Variants in GABRG3 observed in about 807,000 individuals in gnomAD.
GABRG3 encodes gamma-aminobutyric acid type A receptor subunit gamma3, also known as gamma-aminobutyric acid receptor subunit gamma-3.
In GABRG3, 25 loss-of-function variants were observed where a neutral mutation model predicts 48.8. The ratio of observed to expected loss-of-function variants is 0.51; its 90% CI spans 0.37 to 0.72. The LOEUF (loss-of-function observed/expected upper bound fraction) is 0.72, where lower values mean the gene tolerates loss of function less well. GABRG3 is among the 30% of genes least tolerant of loss of function. The pLI, the probability that GABRG3 is intolerant of heterozygous loss-of-function variation, is 0.00. For synonymous variants in GABRG3, 227 were observed against 217.6 expected, an observed-to-expected ratio of 1.04 and a Z score of -0.38; for missense variants, 394 against 577.9, an observed-to-expected ratio of 0.68 and a Z score of 3.26.
At chr15:27,248,221 C>G (rs544782184) in intron 3 of GABRG3, among the ~76,000 whole-genome samples, 4 of 152,150 alleles carry the variant, frequency 2.6e-5, no homozygotes, top group Admixed American at 6.5e-5. Flanking sequence ...AAGTGCTGCT[C>G]TAGATTCTGT....
chr15:27,409,778 T>G (rs1234869880), intron 5 of GABRG3, among the ~76,000 whole-genome samples: 2 of 152,218 alleles, frequency 1.3e-5, no homozygotes, highest in Non-Finnish European at 2.9e-5. Context: ...GATTTTTATG[T>G]GTTGATCTTG....
At chr15:27,075,378 G>A (rs1896893831) in intron 3 of GABRG3, among the ~76,000 whole-genome samples, 1 of 152,210 alleles carries the variant, frequency 6.6e-6, no homozygotes, top group Admixed American at 6.5e-5. Flanking sequence ...AAGGGAAATG[G>A]AATCTTGGTT....
intron 3 of GABRG3, among the ~76,000 whole-genome samples, chr15:27,089,369 A>G (rs530804996): frequency 1.2e-4 from 19 of 152,236 alleles, no homozygotes; most frequent in African/African-American, 4.3e-4. Flanking sequence ...AGGAGGGTGC[A>G]GGCTGCAGTG....
At position 27,423,721 on chromosome 15, in the gene GABRG3, C is replaced by CTT. The variant is rs542775399; in HGVS notation, c.575-56903_575-56902dup. Among the ~76,000 whole-genome samples the CTT allele has an allele frequency of 3.6e-3, 297 of 81,800 alleles. 19 individuals are homozygous for CTT. The highest frequency in any genetic ancestry group is 8.9e-3 in the Middle Eastern group (1 of 112). 53.7% of individuals were successfully genotyped at this position (81,800 alleles called of 152,430 possible). A position where few individuals can be genotyped will look rare whatever the true frequency, so the allele number is the denominator to read the frequency against. ...CCACCACACCTGGCTTTTTCTTTTC[C>CTT]TTTTTTTTTTTTTTTTTTTTTTTTT... On this transcript the variant is annotated intron_variant, in intron 5 of 9. Coordinates refer to ENST00000615808, the MANE Select transcript of GABRG3 (RefSeq NM_033223.5).
intron 5 of GABRG3, among the ~76,000 whole-genome samples, chr15:27,417,652 C>G (rs1252898319): frequency 1.3e-5 from 2 of 152,206 alleles, no homozygotes; most frequent in Middle Eastern, 3.2e-3. Context: ...CTCCTTCACT[C>G]TGGTTACTGC....
rs1325868336 is a variant in GABRG3 at position 26,974,792 on chromosome 15, T to C, written c.54-2210T>C. Among the ~76,000 whole-genome samples, 3 of 151,750 alleles carry C rather than the reference T, an allele frequency of 2.0e-5. No homozygotes were observed. The highest frequency in any genetic ancestry group is 7.3e-5 in the African/African-American group (3 of 41,354). On this transcript the variant is annotated intron_variant, in intron 1 of 9. Coordinates refer to ENST00000615808, the MANE Select transcript of GABRG3 (RefSeq NM_033223.5). This position sits in a 1 kb window ranked among gnomAD's most constrained non-coding sequence, Gnocchi z 4.3. ...GTTTTAAAAAATTTTTGCAAGATGA[T>C]AAAATTAACATTTCTGATAATATTT...
intron 3 of GABRG3, among the ~76,000 whole-genome samples, chr15:27,247,643 C>A (rs531391679): frequency 6.6e-6 from 1 of 152,114 alleles, no homozygotes; most frequent in Non-Finnish European, 1.5e-5. Flanking sequence ...CTGGTAAAGA[C>A]GTACTGGAGA....
intron 2 of GABRG3, among the ~76,000 whole-genome samples, chr15:27,002,717 T>G (rs1249047877): frequency 8.6e-6 from 1 of 115,812 alleles, no homozygotes; most frequent in Non-Finnish European, 1.6e-5. Flanking sequence ...GAGAGCAGCC[T>G]GGGAAACATA....
chr15:27,030,830 C>A (rs1249246150), intron 3 of GABRG3, among the ~76,000 whole-genome samples: 1 of 152,046 alleles, frequency 6.6e-6, no homozygotes. Context: ...CTGAGTGTGA[C>A]CTGCTTGGCA....
At chr15:27,353,918 G>A (rs1240178307) in intron 5 of GABRG3, among the ~76,000 whole-genome samples, 2 of 152,142 alleles carry the variant, frequency 1.3e-5, no homozygotes, top group Admixed American at 6.5e-5. Context: ...CCCACCCCAT[G>A]GGGCACCATA....
chr15:27,313,284 A>ATATG (rs1483320813), intron 3 of GABRG3, among the ~76,000 whole-genome samples: 2 of 106,526 alleles, frequency 1.9e-5, no homozygotes, highest in South Asian at 7.3e-4. Context: ...ATATATATAT[A>ATATG]TATATATATA....
intron 3 of GABRG3, among the ~76,000 whole-genome samples, chr15:27,244,474 C>T (rs920338918): frequency 1.3e-5 from 2 of 152,200 alleles, no homozygotes; most frequent in African/African-American, 4.8e-5. Flanking sequence ...TATCATGCCC[C>T]ATCATGTAAC....
At chr15:27,336,292 AAAGAAG>A (rs542419584) in intron 5 of GABRG3, among the ~76,000 whole-genome samples, 8 of 151,994 alleles carry the variant, frequency 5.3e-5, no homozygotes, top group African/African-American at 1.7e-4. Context: ...CAGAGAGAGA[AAAGAAG>A]AAGGAGAAGG....
At chr15:27,119,422 A>G (rs1339374092) in intron 3 of GABRG3, among the ~76,000 whole-genome samples, 2 of 152,192 alleles carry the variant, frequency 1.3e-5, no homozygotes, top group Non-Finnish European at 2.9e-5. Flanking sequence ...TCAGTCCTAC[A>G]TGTTTATGGT....
At chr15:27,000,057 TG>T (rs1227927357) in intron 2 of GABRG3, among the ~76,000 whole-genome samples, 1 of 152,252 alleles carries the variant, frequency 6.6e-6, no homozygotes, top group African/African-American at 2.4e-5. Flanking sequence ...TAATTATCTT[TG>T]CTTCTAATTC....
At chr15:27,207,103 G>A (rs1325333996) in intron 3 of GABRG3, among the ~76,000 whole-genome samples, 1 of 152,146 alleles carries the variant, frequency 6.6e-6, no homozygotes, top group Non-Finnish European at 1.5e-5. Context: ...TTGTTAGCTG[G>A]TGGTTATGTA....
intron 3 of GABRG3, among the ~76,000 whole-genome samples, chr15:27,135,778 G>C (rs568312463): frequency 6.6e-6 from 1 of 152,058 alleles, no homozygotes; most frequent in East Asian, 1.9e-4. Flanking sequence ...GGTGGTGTGC[G>C]CCTATAATCC....
chr15:27,052,354 G>C (rs1896470232), intron 3 of GABRG3, among the ~76,000 whole-genome samples: 1 of 152,210 alleles, frequency 6.6e-6, no homozygotes, highest in Non-Finnish European at 1.5e-5. Flanking sequence ...TCAGCCCTCA[G>C]GTGGTGGCAC....
chr15:26,982,359 A>T (rs1895071518), intron 2 of GABRG3, among the ~76,000 whole-genome samples: 1 of 152,178 alleles, frequency 6.6e-6, no homozygotes, highest in Admixed American at 6.5e-5. Flanking sequence ...CACCTTCCTC[A>T]TGGTGTCACT....
Sources: allele counts gnomAD v4.1 joint callset (sites outside exome capture counted in the v4.1 genomes callset), GRCh38; gene constraint gnomAD v4.1.1; non-coding constraint Gnocchi (gnomAD v3.1); transcripts MANE v1.5; gene names NCBI Gene and HGNC (gene_info 2026-07-23, HGNC 2026-07-21).